BRD4: variants seen among roughly 807,000 people sequenced by gnomAD.
The protein encoded by BRD4 is bromodomain-containing protein 4.
In BRD4, 16 loss-of-function variants were observed where a neutral mutation model predicts 142.1. The observed-to-expected ratio is 0.11, with a 90% CI of 0.08 to 0.17. The LOEUF (loss-of-function observed/expected upper bound fraction) is 0.17, where lower values mean the gene tolerates loss of function less well. Among genes scored for constraint, BRD4 ranks in the 10% least tolerant of loss-of-function variants. The pLI is 1.00. For missense variants in BRD4, 1,424 were observed against 1,810.9 expected, an observed-to-expected ratio of 0.79 and a Z score of 3.88; for synonymous variants, 833 against 707.5, an observed-to-expected ratio of 1.18 and a Z score of -2.82.
chr19:15,249,405 T>C (rs916937408), intron 11 of BRD4: 8 of 1,569,858 alleles, frequency 5.1e-6, no homozygotes, highest in South Asian at 3.4e-5. Flanking sequence ...TGGTGGCTGA[T>C]GGGCACAAGA....
chr19:15,260,798 C>CAAAAAAAAAAA (rs34986127), intron 7 of BRD4, among the ~76,000 whole-genome samples: 3 of 77,826 alleles, frequency 3.9e-5, no homozygotes. Context: ...GAGAAAAATG[C>CAAAAAAAAAAA]AAAAAAAAAA....
intron 11 of BRD4, chr19:15,247,132 A>C: frequency 9.1e-6 from 2 of 220,916 alleles, no homozygotes; most frequent in Non-Finnish European, 1.8e-5. Flanking sequence ...GTAATTGTAC[A>C]AAGAAATAAA....
intron 1 of BRD4, among the ~76,000 whole-genome samples, chr19:15,302,772 G>A (rs1002954098): frequency 6.6e-6 from 1 of 151,500 alleles, no homozygotes; most frequent in African/African-American, 2.4e-5. Context: ...TTGGGAGGCC[G>A]AGGCGGGCGC....
intron 8 of BRD4, among the ~76,000 whole-genome samples, chr19:15,256,752 C>G (rs919270787): frequency 6.6e-6 from 1 of 152,188 alleles, no homozygotes; most frequent in African/African-American, 2.4e-5. Flanking sequence ...TGTCCCTCCC[C>G]ATCCCCAACC....
rs1055682653 is a variant in BRD4, at chr19:15,280,137, C to T, written c.-34-7004G>A. The stretch of plus-strand genomic sequence containing the variant: ...CACAACAACCCTAAAAAGCAGGCTG[C>T]GACTTTATCATCTTCATCATCATCC... On this transcript the variant is annotated intron_variant, in intron 1 of 19. Coordinates refer to ENST00000679869, the MANE Select transcript of BRD4 (RefSeq NM_001379291.1). The T allele has an allele frequency of 1.4e-5, 8 of 582,094 alleles. No homozygotes were observed. In the South Asian group the frequency reaches 2.3e-4, roughly 16 times the overall value. 36.1% of individuals were successfully genotyped at this position (582,094 alleles called of 1,614,324 possible).
intron 1 of BRD4, among the ~76,000 whole-genome samples, chr19:15,294,397 C>T (rs540204275): frequency 1.3e-5 from 2 of 152,328 alleles, no homozygotes; most frequent in South Asian, 4.1e-4. Flanking sequence ...TGAATGGGCC[C>T]ATTTGCTTCC....
intron 1 of BRD4, among the ~76,000 whole-genome samples, chr19:15,284,894 T>C (rs1396539983): frequency 6.6e-6 from 1 of 152,206 alleles, no homozygotes; most frequent in Non-Finnish European, 1.5e-5. Context: ...TCCACCTAAC[T>C]TCCACAAAGT....
intron 1 of BRD4, among the ~76,000 whole-genome samples, chr19:15,320,133 T>C (rs2048049163): frequency 6.6e-6 from 1 of 152,126 alleles, no homozygotes; most frequent in Non-Finnish European, 1.5e-5. Context: ...AGCCTCCTCT[T>C]AAGGAGTGAT....
intron 1 of BRD4, among the ~76,000 whole-genome samples, chr19:15,328,057 G>A (rs1311467129): frequency 1.3e-5 from 2 of 151,952 alleles, no homozygotes; most frequent in South Asian, 4.2e-4. Flanking sequence ...AAGATGTTTG[G>A]TAGGATTTTA....
intron 1 of BRD4, among the ~76,000 whole-genome samples, chr19:15,277,043 C>T (rs528800770): frequency 9.2e-5 from 14 of 152,270 alleles, no homozygotes; most frequent in African/African-American, 3.4e-4. Context: ...GCATAGATAA[C>T]AGGAGACAAC....
chr19:15,267,574 A>G, intron 3 of BRD4, 23 bp from the exon 4 acceptor site: 2 of 1,610,062 alleles, frequency 1.2e-6, no homozygotes, highest in Non-Finnish European at 1.7e-6. Flanking sequence ...ACACAGGGGT[A>G]GAGTCAGAGG....
chr19:15,249,171 A>G, intron 11 of BRD4: 2 of 1,577,242 alleles, frequency 1.3e-6, no homozygotes, highest in South Asian at 1.1e-5. Context: ...GAATTCCATA[A>G]CTTGATGGAG....
intron 11 of BRD4, among the ~76,000 whole-genome samples, chr19:15,250,161 A>T (rs1193066190): frequency 6.6e-6 from 1 of 152,172 alleles, no homozygotes; most frequent in Non-Finnish European, 1.5e-5. Flanking sequence ...ACTCTGGGCC[A>T]CATTCCACAA....
intron 1 of BRD4, among the ~76,000 whole-genome samples, chr19:15,288,429 A>C (rs566470647): frequency 6.6e-6 from 1 of 152,228 alleles, no homozygotes; most frequent in African/African-American, 2.4e-5. Flanking sequence ...AAATAGAAGA[A>C]GAGGAGTGAA....
intron 6 of BRD4, 146 bp downstream of exon 6, chr19:15,264,258 T>G: frequency 4.4e-6 from 5 of 1,136,522 alleles, no homozygotes; most frequent in Non-Finnish European, 6.1e-6. Context: ...CAGGGGGCGC[T>G]GAGTTTCTTC....
At position 15,330,378 on chromosome 19, in the gene BRD4, G is replaced by T. The variant is rs140987916; in HGVS notation, c.-35+1912C>A. Among the ~76,000 whole-genome samples, 544 of 152,200 alleles carry T rather than the reference G, an allele frequency of 3.6e-3. 5 individuals are homozygous for T. The highest frequency in any genetic ancestry group is 0.012 in the African/African-American group (515 of 41,524). The stretch of plus-strand genomic sequence containing the variant: ...TCTTTCCCTGGCTGAAGTTTTTGGG[G>T]GGAAGCGCTTGGTTATCTACAACGC... On this transcript the variant is annotated intron_variant, in intron 1 of 19. Coordinates refer to ENST00000679869, the MANE Select transcript of BRD4 (RefSeq NM_001379291.1).
In BRD4 at chr19:15,298,620, C is replaced by CAAAAAA. The variant is rs57719337; in HGVS notation, c.-34-25493_-34-25488dup. 3.3e-4 allele frequency among the ~76,000 whole-genome samples: 22 copies of CAAAAAA among 66,038 alleles called. 3 individuals are homozygous for CAAAAAA. The highest frequency in any genetic ancestry group is 4.1e-4 in the Non-Finnish European group (15 of 36,298). The allele number at this position is 66,038 out of a possible 152,430, so 43.3% of individuals were successfully genotyped here. A position where few individuals can be genotyped will look rare whatever the true frequency, so the allele number is the denominator to read the frequency against. On this transcript the variant is annotated intron_variant, in intron 1 of 19. Coordinates refer to ENST00000679869, the MANE Select transcript of BRD4 (RefSeq NM_001379291.1). ...TGGGCAACAGGGCGAGACTCCAACT[C>CAAAAAA]AAAAAAAAAAAAAAAAAAAAAAAAA...
chr19:15,297,236 C>A (rs571974915), intron 1 of BRD4, among the ~76,000 whole-genome samples: 2 of 152,346 alleles, frequency 1.3e-5, no homozygotes, highest in East Asian at 3.9e-4. Flanking sequence ...CATAGCATGG[C>A]AGCCAGGCCT....
At position 15,265,401 on chromosome 19, in the gene BRD4, C is replaced by T. The variant is rs551722840; in HGVS notation, c.802G>A (p.Val268Ile). The stretch of plus-strand genomic sequence containing the variant: ...GCGATGATGGGTGGGTGGCTCTGTA[C>T]GGGCTGGGGAGCTGGAGCGGGTGGG... ...QPPPAPAPQP[V>I]QSHPPIIAAT... Residue 268 changes from valine to isoleucine, a missense_variant, in exon 5 of 20, where the codon GTA (valine) becomes ATA (isoleucine). This residue lies in a region of BRD4 where 140 missense variants were observed against 131.7 expected (regional missense o/e 1.06). Transcript: ENST00000679869. 3.0e-5 allele frequency: 40 copies of T among 1,339,426 alleles called. No individual in the cohort carries two copies. The East Asian group carries it at 6.0e-4, about 20-fold the overall frequency. The allele number at this position is 1,339,426 out of a possible 1,614,324, so 83.0% of individuals were successfully genotyped here. A position where few individuals can be genotyped will look rare whatever the true frequency, so the allele number is the denominator to read the frequency against.
Sources: gnomAD v4.1 joint callset for allele counts (sites outside exome capture counted in the v4.1 genomes callset) on GRCh38, gnomAD v4.1.1 for gene constraint, gnomAD v4.1.1 regional missense constraint, MANE v1.5 for transcripts, NCBI Gene and HGNC (gene_info 2026-07-23, HGNC 2026-07-21) for gene names.